The following PTPRK variants were observed in gnomAD, a reference collection of about 807,000 sequenced individuals.
PTPRK encodes receptor-type tyrosine-protein phosphatase kappa.
PTPRK carries 75 observed loss-of-function variants against 178.0 expected under a neutral mutation model. That is an observed-to-expected ratio of 0.42 (90% CI 0.35 to 0.51). The LOEUF (loss-of-function observed/expected upper bound fraction) is 0.51, where lower values mean the gene tolerates loss of function less well. PTPRK is among the 20% of genes least tolerant of loss of function. The pLI, the probability that PTPRK is intolerant of heterozygous loss-of-function variation, is 0.02. For synonymous variants in PTPRK, 637 were observed against 620.6 expected (o/e 1.03, Z -0.39); for missense variants, 1,441 against 1,797.8 (o/e 0.80, Z 3.59).
chr6:128,183,974 CA>C (rs879262902), intron 7 of PTPRK, among the ~76,000 whole-genome samples: 79 of 152,262 alleles, frequency 5.2e-4, no homozygotes, highest in Admixed American at 4.7e-3. Flanking sequence ...ATAGTTATCT[CA>C]ACGAGGCATT....
chr6:128,393,477 A>C (rs1330065459), intron 2 of PTPRK, among the ~76,000 whole-genome samples: 1 of 152,230 alleles, frequency 6.6e-6, no homozygotes, highest in Non-Finnish European at 1.5e-5. Flanking sequence ...TACATAGTAC[A>C]GTGGGCCGCA....
intron 1 of PTPRK, among the ~76,000 whole-genome samples, chr6:128,506,247 C>T (rs1856318187): frequency 6.6e-6 from 1 of 152,190 alleles, no homozygotes; most frequent in South Asian, 2.1e-4. Flanking sequence ...ATAATACTTA[C>T]TGGGATGGGC....
intron 1 of PTPRK, among the ~76,000 whole-genome samples, chr6:128,506,991 C>T (rs1379970352): frequency 6.6e-6 from 1 of 152,070 alleles, no homozygotes; most frequent in Non-Finnish European, 1.5e-5. Context: ...CATTTAAGCA[C>T]TGTAACTCAA....
chr6:128,456,512 A>G (rs989174700), intron 1 of PTPRK, among the ~76,000 whole-genome samples: 4 of 151,858 alleles, frequency 2.6e-5, no homozygotes, highest in Non-Finnish European at 4.4e-5. Context: ...CAGCACAAAA[A>G]TGACATAAAA....
chr6:128,011,011 T>C (rs1778988689), intron 13 of PTPRK, among the ~76,000 whole-genome samples: 5 of 151,264 alleles, frequency 3.3e-5, no homozygotes, highest in African/African-American at 7.3e-5. Flanking sequence ...GATCTTTTCC[T>C]TTCCAGGGCG....
At chr6:128,336,987 T>C (rs866351729) in intron 2 of PTPRK, among the ~76,000 whole-genome samples, 1 of 152,162 alleles carries the variant, frequency 6.6e-6, no homozygotes, top group Non-Finnish European at 1.5e-5. Flanking sequence ...TAACTTGCCA[T>C]GAACCACCAG....
At chr6:127,970,319 G>A in intron 29 of PTPRK, 39 bp from the exon 30 acceptor site, 1 of 1,530,142 alleles carries the variant, frequency 6.5e-7, no homozygotes, top group South Asian at 1.1e-5. Flanking sequence ...GAAAACTTAA[G>A]AAAGAGACTA....
At chr6:128,238,123 G>A (rs1251253859) in intron 5 of PTPRK, 2 of 442,956 alleles carry the variant, frequency 4.5e-6, no homozygotes, top group South Asian at 1.6e-5. Context: ...ACTGAAGAAT[G>A]AGGCAATGTC....
intron 7 of PTPRK, among the ~76,000 whole-genome samples, chr6:128,105,155 A>G (rs1243254240): frequency 3.4e-5 from 5 of 147,700 alleles, no homozygotes; most frequent in Admixed American, 2.7e-4. Flanking sequence ...TTCTTTTGAG[A>G]CGGAGTCTTG....
chr6:128,193,869 C>T (rs1284177031), intron 6 of PTPRK, among the ~76,000 whole-genome samples: 1 of 151,626 alleles, frequency 6.6e-6, no homozygotes, highest in Non-Finnish European at 1.5e-5. Flanking sequence ...GAAACTAAAA[C>T]AAGGTTAGGT....
chr6:128,369,616 A>G (rs964404256), intron 2 of PTPRK, among the ~76,000 whole-genome samples: 1 of 152,160 alleles, frequency 6.6e-6, no homozygotes, highest in African/African-American at 2.4e-5. Flanking sequence ...AATTTATAGA[A>G]ATTACTGTCT....
At chr6:128,449,962 G>A (rs1011859740) in intron 1 of PTPRK, among the ~76,000 whole-genome samples, 1 of 146,744 alleles carries the variant, frequency 6.8e-6, no homozygotes, top group Non-Finnish European at 1.5e-5. Context: ...AAAAAAAATT[G>A]CCAGGCATAA....
chr6:128,163,352 G>A (rs999892460), intron 7 of PTPRK, among the ~76,000 whole-genome samples: 1 of 151,016 alleles, frequency 6.6e-6, no homozygotes, highest in Non-Finnish European at 1.5e-5. Flanking sequence ...AATTTATATT[G>A]ACAAATAAAA....
intron 7 of PTPRK, among the ~76,000 whole-genome samples, chr6:128,110,542 C>T (rs1790481051): frequency 6.6e-6 from 1 of 151,754 alleles, no homozygotes; most frequent in Non-Finnish European, 1.5e-5. Context: ...GCTAGGACTA[C>T]ATATGCAGGT....
chr6:128,292,421 A>T (rs1419010047), intron 3 of PTPRK, among the ~76,000 whole-genome samples: 1 of 152,126 alleles, frequency 6.6e-6, no homozygotes, highest in Non-Finnish European at 1.5e-5. Flanking sequence ...TAACAATCCC[A>T]TTGCTATTCT....
At chr6:128,193,329 AT>A (rs963652588) in intron 6 of PTPRK, among the ~76,000 whole-genome samples, 14 of 149,134 alleles carry the variant, frequency 9.4e-5, no homozygotes, top group South Asian at 4.3e-4. Context: ...TCTAGCATTA[AT>A]TTTTTTTGTC....
chr6:128,023,347 A>T (rs1375028141), intron 13 of PTPRK, among the ~76,000 whole-genome samples: 1 of 152,166 alleles, frequency 6.6e-6, no homozygotes, highest in Non-Finnish European at 1.5e-5. Context: ...TCTGATCTTA[A>T]ATTCACAACT....
At position 128,196,204 on chromosome 6, in the gene PTPRK, T is replaced by TCTATCAATA. The variant is rs151321994; in HGVS notation, c.869-11488_869-11480dup. 5.1e-3 allele frequency among the ~76,000 whole-genome samples: 774 copies of TCTATCAATA among 152,198 alleles called. 2 individuals are homozygous for TCTATCAATA. The highest frequency in any genetic ancestry group is 0.018 in the African/African-American group (733 of 41,536). ...AAAAAAGAGAATGCATTAAAGCAGA[T>TCTATCAATA]CTATCAATATGGTTACTATAAGGAC... On this transcript the variant is annotated intron_variant, in intron 6 of 29. Transcript: ENST00000368226.
At chr6:128,081,339 TAAATC>T (rs147036025) in intron 10 of PTPRK, among the ~76,000 whole-genome samples, 1,647 of 152,122 alleles carry the variant, frequency 0.011, 22 homozygotes, top group African/African-American at 0.037. Context: ...AATATTAAGA[TAAATC>T]AAATGCTCTT....
Sources: allele counts gnomAD v4.1 joint callset (sites outside exome capture counted in the v4.1 genomes callset), GRCh38; gene constraint gnomAD v4.1.1; transcripts MANE v1.5; gene names NCBI Gene and HGNC (gene_info 2026-07-23, HGNC 2026-07-21).